The following MRPL35 variants were observed in gnomAD, a reference collection of about 807,000 sequenced individuals.
The protein encoded by MRPL35 is mitochondrial ribosomal protein L35.
Under a neutral mutation model 21.6 loss-of-function variants are expected in MRPL35, and 18 were observed. The observed-to-expected ratio is 0.83, with a 90% CI of 0.58 to 1.24. MRPL35 has a LOEUF of 1.24. MRPL35 is among the 50% of genes most tolerant of loss of function. The probability of loss-of-function intolerance (pLI) is 0.00; values close to 1 mark genes in which losing one functional copy is unlikely to be tolerated. For missense variants in MRPL35, 223 were observed against 223.2 expected, an observed-to-expected ratio of 1.00 and a Z score of 0.01; for synonymous variants, 87 against 86.9, an observed-to-expected ratio of 1.00 and a Z score of -0.01.
chr2:86,209,694 A>G (rs906750714), intron 3 of MRPL35, among the ~76,000 whole-genome samples: 3 of 152,244 alleles, frequency 2.0e-5, no homozygotes, highest in Admixed American at 6.5e-5. Context: ...AATATATTTG[A>G]GAACTGTGCT....
rs1573974283 is a variant in MRPL35, at chr2:86,212,318, A to G, written c.*1650A>G. On this transcript the variant is annotated 3_prime_UTR_variant, in exon 4 of 4. Transcript: ENST00000337109. ...CAGAAGTCCAAGTGCGTGTCTACTT[A>G]TGGGACCAATAAATAAAGAACAGAC... 1.9e-5 allele frequency: 30 copies of G among 1,592,202 alleles called. No homozygotes were observed. In the East Asian group the frequency reaches 6.8e-4, roughly 36 times the overall value.
chr2:86,201,479 T>G (rs1673683894), intron 1 of MRPL35, among the ~76,000 whole-genome samples: 1 of 152,224 alleles, frequency 6.6e-6, no homozygotes, highest in Admixed American at 6.5e-5. Flanking sequence ...GGCTTGTCTT[T>G]TTTACATTAT....
rs541690515 is a variant in MRPL35, at chr2:86,205,963, G to T, written c.44-143G>T. On this transcript the variant is annotated intron_variant, in intron 1 of 3. Transcript: ENST00000337109. The stretch of plus-strand genomic sequence containing the variant: ...TTAATTTATGGTTATACCTTAGTAA[G>T]GTGGTAAAAGCTTCACAGATGAGTC... The T allele has an allele frequency of 4.6e-5, 34 of 732,772 alleles. No individual in the cohort carries two copies. The African/African-American group carries it at 4.9e-4, about 11-fold the overall frequency. 45.4% of individuals were successfully genotyped at this position (732,772 alleles called of 1,614,324 possible).
In MRPL35 at chr2:86,207,228, T is replaced by G. The variant is rs1373439110; in HGVS notation, c.279T>G (p.Ser93=). Residue 93 remains serine, a synonymous_variant, in exon 3 of 4, where the codon TCT becomes TCG. Coordinates refer to ENST00000337109, the MANE Select transcript of MRPL35 (RefSeq NM_016622.4). ...GTGTCCTGAAGCTGCCAGTCAGATC[T>G]CTAACATACTTCAGTGCAAGAAAAG... is the stretch of plus-strand genomic sequence containing the variant. ...LPSVLKLPVR[S]LTYFSARKGK... The G allele has an allele frequency of 2.5e-6, 4 of 1,613,864 alleles. No individual in the cohort carries two copies. Among genetic ancestry groups the G allele is most frequent in the Admixed American group, 1.7e-5 (1 of 59,994 alleles).
chr2:86,207,114 TATAG>T (rs1673813193), intron 2 of MRPL35, 65 bp from the exon 3 acceptor site: 2 of 1,434,856 alleles, frequency 1.4e-6, no homozygotes, highest in Non-Finnish European at 1.9e-6. Flanking sequence ...CATTTCTCAG[TATAG>T]ATAATGAATT....
In MRPL35 at chr2:86,212,741, G is replaced by A; in HGVS notation, c.*2073G>A. On this transcript the variant is annotated 3_prime_UTR_variant, in exon 4 of 4. Transcript: ENST00000337109. ...ACAGGCACATAACTTACGGGAAAGG[G>A]AATTTCATACATACGATTTTTGTTT... The A allele has an allele frequency of 8.6e-7, 1 of 1,157,316 alleles. No homozygotes were observed. The highest frequency in any genetic ancestry group is 1.1e-6 in the Non-Finnish European group (1 of 940,896). The allele number at this position is 1,157,316 out of a possible 1,614,324, so 71.7% of individuals were successfully genotyped here.
At chr2:86,201,839 C>T (rs2105833321) in intron 1 of MRPL35, among the ~76,000 whole-genome samples, 1 of 152,326 alleles carries the variant, frequency 6.6e-6, no homozygotes. Context: ...AGTTCATGTC[C>T]CCCATTCATT....
Position 86,213,524 on chromosome 2 carries a change from T to C in MRPL35, c.*2856T>C. On this transcript the variant is annotated 3_prime_UTR_variant, in exon 4 of 4. Transcript: ENST00000337109. ...TTCAAATTTTGAGCTTCCAAGTCTT[T>C]GTGGCCACCCAATGAAGTTTGAGTC... The C allele has an allele frequency of 7.0e-7, 1 of 1,423,954 alleles. No homozygotes were observed. Among genetic ancestry groups the C allele is most frequent in the Non-Finnish European group, 9.3e-7 (1 of 1,076,190 alleles). 88.2% of individuals were successfully genotyped at this position (1,423,954 alleles called of 1,614,324 possible).
intron 1 of MRPL35, among the ~76,000 whole-genome samples, chr2:86,201,008 C>T (rs1673674374): frequency 6.6e-6 from 1 of 152,138 alleles, no homozygotes; most frequent in African/African-American, 2.4e-5. Flanking sequence ...TCTCCATTTC[C>T]AGTTTGGGGC....
rs562289852 is a variant in MRPL35, at chr2:86,212,926, C to T, written c.*2258C>T. On this transcript the variant is annotated 3_prime_UTR_variant, in exon 4 of 4. Coordinates refer to ENST00000337109, the MANE Select transcript of MRPL35 (RefSeq NM_016622.4). The stretch of plus-strand genomic sequence containing the variant: ...GGTATATGTATAATTTATTGAACAC[C>T]TACTATGTCCCAGCATATCTACAAA... 5 of 737,162 alleles carry T rather than the reference C, an allele frequency of 6.8e-6. No individual in the cohort carries two copies. Among genetic ancestry groups the T allele is most frequent in the African/African-American group, 5.7e-5 (3 of 52,360 alleles). 45.7% of individuals were successfully genotyped at this position (737,162 alleles called of 1,614,324 possible).
chr2:86,212,198 C>G lies in MRPL35; in HGVS notation c.*1530C>G. On this transcript the variant is annotated 3_prime_UTR_variant, in exon 4 of 4. Transcript: ENST00000337109. ...TTAGTAAAATTATGAAATTGAAGTT[C>G]TGCAGCATGTCAGGCCAGGATTATT... The G allele has an allele frequency of 7.7e-7, 1 of 1,303,798 alleles. No individual in the cohort carries two copies. The highest frequency in any genetic ancestry group is 9.7e-7 in the Non-Finnish European group (1 of 1,026,274). 80.8% of individuals were successfully genotyped at this position (1,303,798 alleles called of 1,614,324 possible). A position where few individuals can be genotyped will look rare whatever the true frequency, so the allele number is the denominator to read the frequency against.
rs543995337 is a variant in MRPL35 at position 86,212,918 on chromosome 2, T to C, written c.*2250T>C. 29 of 764,664 alleles carry C rather than the reference T, an allele frequency of 3.8e-5. No homozygotes were observed. The African/African-American group carries it at 4.9e-4, about 13-fold the overall frequency. The allele number at this position is 764,664 out of a possible 1,614,324, so 47.4% of individuals were successfully genotyped here. On this transcript the variant is annotated 3_prime_UTR_variant, in exon 4 of 4. Coordinates refer to ENST00000337109, the MANE Select transcript of MRPL35 (RefSeq NM_016622.4). Reference sequence around the variant, plus strand: ...TTTATTCAGGTATATGTATAATTTATTGAACACCTACTATGTCCCAGCATA... The same window carrying C: ...TTTATTCAGGTATATGTATAATTTACTGAACACCTACTATGTCCCAGCATA...
At chr2:86,199,975 G>A (rs753898035) in intron 1 of MRPL35, among the ~76,000 whole-genome samples, 1 of 152,140 alleles carries the variant, frequency 6.6e-6, no homozygotes, top group African/African-American at 2.4e-5. Flanking sequence ...CACGTAAAGC[G>A]TTTTGGGCAG....
rs1573975351 is a variant in MRPL35 at position 86,213,707 on chromosome 2, C to CT, written c.*3040dup. The CT allele has an allele frequency of 1.3e-6, 2 of 1,535,050 alleles. No individual in the cohort carries two copies. The highest frequency in any genetic ancestry group is 2.0e-5 in the Admixed American group (1 of 50,796). On this transcript the variant is annotated 3_prime_UTR_variant, in exon 4 of 4. Coordinates refer to ENST00000337109, the MANE Select transcript of MRPL35 (RefSeq NM_016622.4). ...AACGTCTGTTTGCACAATTGAAACT[C>CT]TACCAGTGGACTATTCTATTTTCAC...
At position 86,210,524 on chromosome 2, in the gene MRPL35, G is replaced by T. The variant is rs756891433; in HGVS notation, c.423G>T (p.Lys141Asn). Residue 141 changes from lysine (K) to asparagine (N), a missense_variant, in exon 4 of 4, where the codon AAG becomes AAT. By Grantham distance (94) the Lys-to-Asn change is moderately conservative (BLOSUM62 0). Transcript: ENST00000337109. ...TATGGAAAAAGACACCTGCAAGGAA[G>T]AAGCGATTGAGGGAATTTGTATTCT... Reference protein sequence around the residue: ...KKLWKKTPARKKRLREFVFCN... With the variant: ...KKLWKKTPARNKRLREFVFCN... 2.5e-6 allele frequency: 4 copies of T among 1,612,310 alleles called. No homozygotes were observed. In the African/African-American group the frequency reaches 5.3e-5, roughly 22 times the overall value.
chr2:86,209,076 C>CA lies in MRPL35; in HGVS notation c.379-1403dup, dbSNP rs748667448. ...GGCAATAAATTAGGTGTTTGTACGT[C>CA]AGAGATCCATAGTAACCCAGTTTGG... On this transcript the variant is annotated intron_variant, in intron 3 of 3. Transcript: ENST00000337109. Among the ~76,000 whole-genome samples the CA allele has an allele frequency of 6.0e-5, 9 of 150,254 alleles. No individual in the cohort carries two copies. In the South Asian group the frequency reaches 6.6e-4, roughly 11 times the overall value.
Position 86,210,723 on chromosome 2 carries a change from CTT to C in MRPL35, c.*57_*58del, listed in dbSNP as rs2103917320. On this transcript the variant is annotated 3_prime_UTR_variant, in exon 4 of 4. Transcript: ENST00000337109. The stretch of plus-strand genomic sequence containing the variant: ...TGGATATGTATCTTTGTGTACATAT[CTT>C]TGCAAAAATGGATAAGTACAAAACT... 1 of 1,509,938 alleles carries C rather than the reference CTT, an allele frequency of 6.6e-7. No individual in the cohort carries two copies. The highest frequency in any genetic ancestry group is 2.3e-5 in the East Asian group (1 of 43,874). 93.5% of individuals were successfully genotyped at this position (1,509,938 alleles called of 1,614,324 possible).
chr2:86,211,965 TG>T lies in MRPL35; in HGVS notation c.*1300del. 2 of 986,828 alleles carry T rather than the reference TG, an allele frequency of 2.0e-6. No homozygotes were observed. The highest frequency in any genetic ancestry group is 2.4e-6 in the Non-Finnish European group (2 of 830,988). 61.1% of individuals were successfully genotyped at this position (986,828 alleles called of 1,614,324 possible). On this transcript the variant is annotated 3_prime_UTR_variant, in exon 4 of 4. Transcript: ENST00000337109. ...AAAGTTAAGCATTGTTTACTTGAAG[TG>T]GGCAGGGAAGCAGCACTGAGTAAAG...
rs759549455 is a variant in MRPL35 at position 86,206,181 on chromosome 2, C to T, written c.119C>T (p.Ala40Val). Reference protein sequence around the residue: ...NCVKNASLISALSTGRFSHIQ... With the variant: ...NCVKNASLISVLSTGRFSHIQ... ...GTCAAGAATGCCTCTCTTATTTCTG[C>T]ATTGTCCACTGGACGTTTTAGTCAT... The change falls in exon 2 of 4, where the codon GCA (alanine) becomes GTA (valine). Residue 40 changes from alanine (A) to valine (V), a missense_variant. Transcript: ENST00000337109. 5 of 1,613,730 alleles carry T rather than the reference C, an allele frequency of 3.1e-6. No homozygotes were observed. The highest frequency in any genetic ancestry group is 1.6e-4 in the Middle Eastern group (1 of 6,080).
Sources: allele counts gnomAD v4.1 joint callset (sites outside exome capture counted in the v4.1 genomes callset), GRCh38; gene constraint gnomAD v4.1.1; transcripts MANE v1.5; gene names NCBI Gene and HGNC (gene_info 2026-07-23, HGNC 2026-07-21).